STK32B: variants seen among roughly 807,000 people sequenced by gnomAD.
The protein encoded by STK32B is serine/threonine kinase 32B, also known as serine/threonine-protein kinase 32B.
Under a neutral mutation model 52.6 loss-of-function variants are expected in STK32B, and 43 were observed. The observed-to-expected ratio is 0.82, with a 90% CI of 0.64 to 1.05. The LOEUF is 1.05. Among genes scored for constraint, STK32B ranks in the 50% least tolerant of loss-of-function variants. The pLI, the probability that STK32B is intolerant of heterozygous loss-of-function variation, is 0.00. For synonymous variants in STK32B, 238 were observed against 204.3 expected (o/e 1.17, Z -1.41); for missense variants, 621 against 534.6 (o/e 1.16, Z -1.59).
At chr4:5,228,516 G>A (rs1333448081) in intron 3 of STK32B, among the ~76,000 whole-genome samples, 1 of 152,138 alleles carries the variant, frequency 6.6e-6, no homozygotes, top group African/African-American at 2.4e-5. Context: ...TTGAAAAGCT[G>A]CAATAAAATT....
chr4:5,460,130 G>C lies in STK32B; in HGVS notation c.811G>C (p.Val271Leu). 1 of 1,614,204 alleles carries C rather than the reference G, an allele frequency of 6.2e-7. No homozygotes were observed. The change falls in exon 9 of 12, where the codon GTG becomes CTG. Residue 271 changes from valine to leucine, a missense_variant. By Grantham distance (32) the Val-to-Leu change is conservative. Coordinates refer to ENST00000282908, the MANE Select transcript of STK32B (RefSeq NM_018401.3). The surrounding 1 kb of genome is among the most constrained non-coding windows in gnomAD (Gnocchi z 4.8). ...CCTGACCAAGGATCCTGAGAGCCGCGTGTCCAGCCTTCATGACATACAGAG... is the reference window on the plus strand; with the variant it reads ...CCTGACCAAGGATCCTGAGAGCCGCCTGTCCAGCCTTCATGACATACAGAG... ...KLLTKDPESRVSSLHDIQSVP... is the reference protein window; with the variant it reads ...KLLTKDPESRLSSLHDIQSVP...
At chr4:5,456,959 G>A in intron 8 of STK32B, 36 bp downstream of exon 8, 1 of 1,452,560 alleles carries the variant, frequency 6.9e-7, no homozygotes, top group Non-Finnish European at 9.3e-7. Context: ...CCGCCAGGGA[G>A]CTACGGTGAG....
intron 3 of STK32B, among the ~76,000 whole-genome samples, chr4:5,314,443 G>C (rs1419183852): frequency 2.0e-5 from 3 of 152,192 alleles, no homozygotes; most frequent in Non-Finnish European, 4.4e-5. Flanking sequence ...GCTGAGGCAG[G>C]TGGATCACCT....
At chr4:5,122,640 C>T (rs1715128346) in intron 1 of STK32B, among the ~76,000 whole-genome samples, 1 of 152,128 alleles carries the variant, frequency 6.6e-6, no homozygotes, top group Non-Finnish European at 1.5e-5. Context: ...CACTCACTCA[C>T]TCATTTACTC....
At chr4:5,357,195 G>A (rs1202983385) in intron 4 of STK32B, among the ~76,000 whole-genome samples, 1 of 150,184 alleles carries the variant, frequency 6.7e-6, no homozygotes, top group Non-Finnish European at 1.5e-5. Context: ...TTCTGCCCTG[G>A]CAGGCTCTGA....
At chr4:5,256,474 C>T (rs573251027) in intron 3 of STK32B, among the ~76,000 whole-genome samples, 19 of 152,274 alleles carry the variant, frequency 1.2e-4, no homozygotes, top group African/African-American at 4.1e-4. Context: ...AATTCTTCCC[C>T]GGCTCTAGCT....
intron 3 of STK32B, among the ~76,000 whole-genome samples, chr4:5,181,484 G>A (rs1369732744): frequency 1.3e-5 from 2 of 152,084 alleles, no homozygotes; most frequent in African/African-American, 4.8e-5. Flanking sequence ...CCCAATCTAT[G>A]GTTTTATGTA....
rs552753788 is a variant in STK32B, at chr4:5,442,810, A to C, written c.563-3863A>C. Among the ~76,000 whole-genome samples, 5 of 152,308 alleles carry C rather than the reference A, an allele frequency of 3.3e-5. No individual in the cohort carries two copies. The South Asian group carries it at 1.0e-3, about 32-fold the overall frequency. ...TGTAAGGCAGGCCTGGTGGTGACAC[A>C]ATCTCTCAGCATTTGCTTGTCTGTA... On this transcript the variant is annotated intron_variant, in intron 6 of 11. Coordinates refer to ENST00000282908, the MANE Select transcript of STK32B (RefSeq NM_018401.3).
At chr4:5,249,422 TCTTCCTTC>T (rs72091426) in intron 3 of STK32B, among the ~76,000 whole-genome samples, 33 of 131,638 alleles carry the variant, frequency 2.5e-4, no homozygotes, top group African/African-American at 5.9e-4. Flanking sequence ...GCCTGTCTGT[TCTTCCTTC>T]CTTCCTACCT....
chr4:5,324,526 A>G (rs1436142913), intron 3 of STK32B, among the ~76,000 whole-genome samples: 6 of 152,138 alleles, frequency 3.9e-5, no homozygotes, highest in Non-Finnish European at 7.3e-5. Context: ...AGGGTTTTTC[A>G]ACCTCAGCAC....
At chr4:5,413,036 C>A (rs1490343522) in intron 5 of STK32B, among the ~76,000 whole-genome samples, 1 of 152,106 alleles carries the variant, frequency 6.6e-6, no homozygotes, top group Non-Finnish European at 1.5e-5. Context: ...GCTGACATTC[C>A]CCTCTGTCAG....
chr4:5,210,233 C>G (rs141597502), intron 3 of STK32B, among the ~76,000 whole-genome samples: 221 of 152,164 alleles, frequency 1.5e-3, no homozygotes, highest in Non-Finnish European at 2.2e-3. Context: ...TCCTCCTCCT[C>G]TTTCTTCTTC....
intron 1 of STK32B, among the ~76,000 whole-genome samples, chr4:5,112,203 A>G (rs935141547): frequency 6.6e-6 from 1 of 152,148 alleles, no homozygotes; most frequent in African/African-American, 2.4e-5. Flanking sequence ...AACAGTAAGG[A>G]TAGAGGGGAG....
intron 1 of STK32B, among the ~76,000 whole-genome samples, chr4:5,112,668 G>A (rs1432610413): frequency 2.0e-5 from 3 of 152,092 alleles, no homozygotes; most frequent in South Asian, 4.2e-4. Context: ...AAATATCTGG[G>A]CACCCCATGT....
intron 3 of STK32B, among the ~76,000 whole-genome samples, chr4:5,314,703 G>C (rs1730547003): frequency 6.6e-6 from 1 of 152,102 alleles, no homozygotes; most frequent in Non-Finnish European, 1.5e-5. Context: ...ATGGATTGGA[G>C]TGTAAAGTGT....
intron 2 of STK32B, among the ~76,000 whole-genome samples, chr4:5,154,769 A>G (rs957490681): frequency 6.6e-6 from 1 of 152,174 alleles, no homozygotes; most frequent in Non-Finnish European, 1.5e-5. Context: ...GGTCATGCCC[A>G]TCCGCACTTA....
intron 9 of STK32B, among the ~76,000 whole-genome samples, chr4:5,461,939 TG>T (rs1357725174): frequency 6.6e-6 from 1 of 152,186 alleles, no homozygotes; most frequent in African/African-American, 2.4e-5. Context: ...CTCGGACTGC[TG>T]TGGGAACAGG....
chr4:5,387,891 C>T (rs1028259567), intron 4 of STK32B, among the ~76,000 whole-genome samples: 2 of 152,152 alleles, frequency 1.3e-5, no homozygotes. Context: ...ATTACAGGCT[C>T]CTGCCACATG....
At chr4:5,489,403 G>C (rs1719504923) in intron 11 of STK32B, among the ~76,000 whole-genome samples, 1 of 152,014 alleles carries the variant, frequency 6.6e-6, no homozygotes, top group South Asian at 2.1e-4. Flanking sequence ...TGGCTGTTTT[G>C]ATTAAATTAG....
Sources: allele counts gnomAD v4.1 joint callset (sites outside exome capture counted in the v4.1 genomes callset), GRCh38; gene constraint gnomAD v4.1.1; non-coding constraint Gnocchi (gnomAD v3.1); transcripts MANE v1.5; gene names NCBI Gene and HGNC (gene_info 2026-07-23, HGNC 2026-07-21).